The following PM20D2 variants were observed in gnomAD, a reference collection of about 807,000 sequenced individuals.
The protein encoded by PM20D2 is peptidase M20 domain containing 2, also known as xaa-Arg dipeptidase.
PM20D2 carries 33 observed loss-of-function variants against 42.9 expected under a neutral mutation model. That is an observed-to-expected ratio of 0.77 (90% CI 0.58 to 1.03). PM20D2 has a LOEUF of 1.03. Among genes scored for constraint, PM20D2 ranks in the 50% least tolerant of loss-of-function variants. The probability of loss-of-function intolerance (pLI) is 0.00; values close to 1 mark genes in which losing one functional copy is unlikely to be tolerated. For synonymous variants in PM20D2, 250 were observed against 228.2 expected, an observed-to-expected ratio of 1.10 and a Z score of -0.86; for missense variants, 548 against 557.0, an observed-to-expected ratio of 0.98 and a Z score of 0.16.
the PM20D2 span, among the ~76,000 whole-genome samples, chr6:89,133,858 A>G: frequency 2.0e-5 from 3 of 151,294 alleles, no homozygotes; most frequent in African/African-American, 7.4e-5. Flanking sequence ...GTTGTCCTGG[A>G]CTAACACCAG....
intron 1 of PM20D2, among the ~76,000 whole-genome samples, chr6:89,147,815 C>T (rs1408338569): frequency 6.6e-6 from 1 of 150,684 alleles, no homozygotes; most frequent in African/African-American, 2.4e-5. Flanking sequence ...ATCGCTTGAA[C>T]CCAGGAGGCA....
At chr6:89,099,126 A>G in the PM20D2 span, among the ~76,000 whole-genome samples, 10 of 152,212 alleles carry the variant, frequency 6.6e-5, no homozygotes, top group Middle Eastern at 0.014. Context: ...CAAGTTTGTA[A>G]TATTTGTTAT....
chr6:89,157,515 C>T (rs954086270), intron 4 of PM20D2, among the ~76,000 whole-genome samples: 4 of 152,328 alleles, frequency 2.6e-5, no homozygotes, highest in African/African-American at 9.6e-5. Context: ...TCAACCCTTC[C>T]TCATTGCAAA....
chr6:89,128,997 A>G, the PM20D2 span, among the ~76,000 whole-genome samples: 32 of 152,344 alleles, frequency 2.1e-4, no homozygotes, highest in Non-Finnish European at 3.4e-4. Flanking sequence ...CACAATGTGG[A>G]AAACTACAGG....
chr6:89,099,645 T>C, the PM20D2 span, among the ~76,000 whole-genome samples: 5 of 151,622 alleles, frequency 3.3e-5, no homozygotes. Context: ...GAGCAATTCT[T>C]CTCTCTCAGC....
chr6:89,155,410 G>C (rs1034598666), intron 4 of PM20D2, among the ~76,000 whole-genome samples: 2 of 151,398 alleles, frequency 1.3e-5, no homozygotes, highest in Non-Finnish European at 2.9e-5. Context: ...ACCTCAGCCA[G>C]CTGAGTAGCT....
chr6:89,096,993 T>C, the PM20D2 span: 2 of 152,224 alleles, frequency 1.3e-5, no homozygotes, highest in East Asian at 1.9e-4. Context: ...AATTTTGCTA[T>C]GATTAGAGAA....
At chr6:89,096,447 G>C in the PM20D2 span, 19 of 152,188 alleles carry the variant, frequency 1.2e-4, no homozygotes, top group African/African-American at 4.6e-4. Context: ...ACAGTGCCAA[G>C]CATGTACTAA....
chr6:89,101,109 C>CA, the PM20D2 span, among the ~76,000 whole-genome samples: 957 of 54,554 alleles, frequency 0.018, 10 homozygotes, highest in African/African-American at 0.038. Flanking sequence ...ACCTCCAAGA[C>CA]AAAAAAAAAA....
At chr6:89,119,565 G>A in the PM20D2 span, among the ~76,000 whole-genome samples, 4 of 152,234 alleles carry the variant, frequency 2.6e-5, no homozygotes, top group Non-Finnish European at 4.4e-5. Context: ...TAGTTGGCTA[G>A]GGCTGCCATG....
At chr6:89,122,096 T>G in the PM20D2 span, among the ~76,000 whole-genome samples, 1 of 152,242 alleles carries the variant, frequency 6.6e-6, no homozygotes, top group Non-Finnish European at 1.5e-5. Context: ...AATGTTTGGT[T>G]GTTTACTCCT....
rs1007628369 is a variant in PM20D2 at position 89,146,073 on chromosome 6, G to A, written c.-72G>A. ...CGGGGTCCTGGAGGCCTCTGGGCGC[G>A]TGCGCGGGCGGTCGCTACCTGCGGC... On this transcript the variant is annotated 5_prime_UTR_variant, in exon 1 of 7. In the 5' UTR this introduces an upstream ATG that the reference lacks. Coordinates refer to ENST00000275072, the MANE Select transcript of PM20D2 (RefSeq NM_001010853.3). 6 of 1,304,968 alleles carry A rather than the reference G, an allele frequency of 4.6e-6. No individual in the cohort carries two copies. The highest frequency in any genetic ancestry group is 3.8e-5 in the South Asian group (2 of 52,934). 80.8% of individuals were successfully genotyped at this position (1,304,968 alleles called of 1,614,324 possible).
At chr6:89,119,140 G>A in the PM20D2 span, among the ~76,000 whole-genome samples, 1 of 152,326 alleles carries the variant, frequency 6.6e-6, no homozygotes, top group African/African-American at 2.4e-5. Context: ...TGGAACGGTG[G>A]CTATTCTTTC....
At chr6:89,146,654 CGGGG>C in intron 1 of PM20D2, 45 bp downstream of exon 1, 1 of 1,335,556 alleles carries the variant, frequency 7.5e-7, no homozygotes, top group Non-Finnish European at 9.6e-7. Flanking sequence ...CTGCCCGGGT[CGGGG>C]GCGACCCGGG....
chr6:89,118,065 C>CAGCG, the PM20D2 span: 1 of 274,478 alleles, frequency 3.6e-6, no homozygotes, highest in African/African-American at 2.3e-5. Context: ...CAGCGCGGCG[C>CAGCG]CAGCCTGGAC....
the PM20D2 span, among the ~76,000 whole-genome samples, chr6:89,109,986 G>C: frequency 6.6e-6 from 1 of 152,206 alleles, no homozygotes; most frequent in African/African-American, 2.4e-5. Flanking sequence ...AGCTACTCAG[G>C]AGGCTGAGGC....
At chr6:89,126,510 C>T in the PM20D2 span, among the ~76,000 whole-genome samples, 4 of 151,608 alleles carry the variant, frequency 2.6e-5, no homozygotes, top group African/African-American at 9.7e-5. Context: ...ATGGTGAAAC[C>T]CCATCTCTAC....
At chr6:89,104,870 T>C in the PM20D2 span, among the ~76,000 whole-genome samples, 8 of 151,928 alleles carry the variant, frequency 5.3e-5, no homozygotes, top group South Asian at 2.1e-4. Flanking sequence ...CTGGGCAACA[T>C]AGCGAGACCT....
the PM20D2 span, among the ~76,000 whole-genome samples, chr6:89,119,394 G>A: frequency 1.3e-5 from 2 of 152,226 alleles, no homozygotes; most frequent in African/African-American, 4.8e-5. Context: ...GGTAAAGAAT[G>A]GAGAAGAGTA....
Sources: gnomAD v4.1 joint callset for allele counts (sites outside exome capture counted in the v4.1 genomes callset) on GRCh38, gnomAD v4.1.1 for gene constraint, MANE v1.5 for transcripts, NCBI Gene and HGNC (gene_info 2026-07-23, HGNC 2026-07-21) for gene names.